The following LEKR1 variants were observed in gnomAD, a reference collection of about 807,000 sequenced individuals.
The protein encoded by LEKR1 is protein LEKR1.
Under a neutral mutation model 72.4 loss-of-function variants are expected in LEKR1, and 59 were observed. The ratio of observed to expected loss-of-function variants is 0.82; its 90% CI spans 0.66 to 1.01. LEKR1 has a LOEUF of 1.01. LEKR1 is among the 50% of genes least tolerant of loss of function. The pLI, the probability that LEKR1 is intolerant of heterozygous loss-of-function variation, is 0.00. For synonymous variants in LEKR1, 257 were observed against 263.2 expected, an observed-to-expected ratio of 0.98 and a Z score of 0.23; for missense variants, 728 against 759.2, an observed-to-expected ratio of 0.96 and a Z score of 0.48.
chr3:157,020,132 A>G (rs549263060), intron 10 of LEKR1, among the ~76,000 whole-genome samples: 2 of 151,986 alleles, frequency 1.3e-5, no homozygotes, highest in African/African-American at 2.4e-5. Context: ...TTCAGGGGCA[A>G]CAAGATCTTG....
chr3:157,042,531 C>T (rs1271290966), intron 12 of LEKR1, among the ~76,000 whole-genome samples: 4 of 152,196 alleles, frequency 2.6e-5, no homozygotes, highest in Non-Finnish European at 5.9e-5. Context: ...ATGAGGACAT[C>T]TTTTGGCTCA....
chr3:156,941,390 A>G (rs1044617189), intron 5 of LEKR1, among the ~76,000 whole-genome samples: 1 of 151,940 alleles, frequency 6.6e-6, no homozygotes, highest in Non-Finnish European at 1.5e-5. Flanking sequence ...CCCTTAAAAC[A>G]TGCTCTTTTT....
chr3:156,986,916 G>C (rs940157613), intron 7 of LEKR1, among the ~76,000 whole-genome samples: 1 of 152,174 alleles, frequency 6.6e-6, no homozygotes, highest in Admixed American at 6.5e-5. Flanking sequence ...ATGCCTTTGA[G>C]ACTGCACAGT....
At chr3:156,866,374 C>T (rs1717305444) in intron 3 of LEKR1, among the ~76,000 whole-genome samples, 1 of 151,946 alleles carries the variant, frequency 6.6e-6, no homozygotes, top group South Asian at 2.1e-4. Flanking sequence ...CCTTTTTCCT[C>T]TTCCTCCCCA....
chr3:156,941,281 C>A (rs778575236), intron 5 of LEKR1, among the ~76,000 whole-genome samples: 2 of 152,060 alleles, frequency 1.3e-5, no homozygotes, highest in African/African-American at 4.8e-5. Context: ...GCTTATTCCC[C>A]AGGTCTATCA....
At chr3:157,017,468 G>A (rs565719465) in intron 10 of LEKR1, 1 of 152,314 alleles carries the variant, frequency 6.6e-6, no homozygotes, top group East Asian at 1.9e-4. Flanking sequence ...CCTTCTTGAA[G>A]CTGCACGTGT....
intron 6 of LEKR1, among the ~76,000 whole-genome samples, chr3:156,947,811 T>A (rs1726817115): frequency 1.3e-5 from 2 of 151,256 alleles, no homozygotes; most frequent in Non-Finnish European, 3.0e-5. Context: ...AGCATATTCT[T>A]TCAGGTGCTA....
intron 3 of LEKR1, among the ~76,000 whole-genome samples, chr3:156,912,645 T>C (rs993789330): frequency 2.6e-5 from 4 of 152,134 alleles, no homozygotes; most frequent in Non-Finnish European, 5.9e-5. Flanking sequence ...CACTCGAGGA[T>C]TGTATTGTGA....
chr3:156,869,059 T>G (rs948544980), intron 3 of LEKR1, among the ~76,000 whole-genome samples: 1 of 152,118 alleles, frequency 6.6e-6, no homozygotes, highest in Non-Finnish European at 1.5e-5. Context: ...AGTATTTCAT[T>G]GTGTATGTAT....
intron 10 of LEKR1, among the ~76,000 whole-genome samples, chr3:157,015,636 C>T (rs1366130080): frequency 2.0e-5 from 3 of 152,086 alleles, no homozygotes; most frequent in Non-Finnish European, 4.4e-5. Context: ...ATATCTAGCA[C>T]CGAACAAGGT....
intron 10 of LEKR1, among the ~76,000 whole-genome samples, chr3:157,014,270 C>T (rs553850382): frequency 2.4e-4 from 37 of 152,036 alleles, no homozygotes; most frequent in South Asian, 1.5e-3. Context: ...CACTTAAGAA[C>T]GTTTTAGAAT....
At chr3:156,895,882 C>A (rs1721129287) in intron 3 of LEKR1, among the ~76,000 whole-genome samples, 1 of 152,166 alleles carries the variant, frequency 6.6e-6, no homozygotes, top group South Asian at 2.1e-4. Context: ...GAATATAAAT[C>A]ATTCTATTAT....
At chr3:156,888,106 A>G (rs1042376991) in intron 3 of LEKR1, among the ~76,000 whole-genome samples, 2 of 152,162 alleles carry the variant, frequency 1.3e-5, no homozygotes, top group African/African-American at 4.8e-5. Context: ...GCTTTTTAGT[A>G]TCTTTAATGA....
At chr3:156,959,846 A>G (rs1400486896) in intron 6 of LEKR1, among the ~76,000 whole-genome samples, 1 of 152,158 alleles carries the variant, frequency 6.6e-6, no homozygotes, top group East Asian at 1.9e-4. Context: ...CTAATATTTT[A>G]TAGTCCCTTA....
chr3:156,895,042 T>C (rs1390126638), intron 3 of LEKR1, among the ~76,000 whole-genome samples: 3 of 152,046 alleles, frequency 2.0e-5, no homozygotes, highest in Non-Finnish European at 4.4e-5. Flanking sequence ...ATAAATGGAA[T>C]CTAATTAAAG....
At chr3:157,030,431 C>T (rs1734518324) in intron 12 of LEKR1, among the ~76,000 whole-genome samples, 1 of 152,134 alleles carries the variant, frequency 6.6e-6, no homozygotes, top group Non-Finnish European at 1.5e-5. Context: ...TGACAACTGC[C>T]ACTTCCTGCT....
intron 9 of LEKR1, among the ~76,000 whole-genome samples, chr3:156,994,320 G>C (rs746215245): frequency 6.6e-6 from 1 of 152,128 alleles, no homozygotes; most frequent in African/African-American, 2.4e-5. Flanking sequence ...TGCCAACACT[G>C]TTCCCTGGGC....
intron 4 of LEKR1, among the ~76,000 whole-genome samples, chr3:156,926,051 T>C (rs749499585): frequency 3.9e-5 from 6 of 152,072 alleles, no homozygotes; most frequent in African/African-American, 7.2e-5. Flanking sequence ...AAAGCAAATT[T>C]ATTAATAGAA....
At chr3:156,954,473 G>C (rs1477053534) in intron 6 of LEKR1, among the ~76,000 whole-genome samples, 1 of 151,960 alleles carries the variant, frequency 6.6e-6, no homozygotes, top group African/African-American at 2.4e-5. Flanking sequence ...TTTTCTTCTA[G>C]GGTTTTTATA....
Sources: gnomAD v4.1 joint callset for allele counts (sites outside exome capture counted in the v4.1 genomes callset) on GRCh38, gnomAD v4.1.1 for gene constraint, MANE v1.5 for transcripts, NCBI Gene and HGNC (gene_info 2026-07-23, HGNC 2026-07-21) for gene names.